CSMD1: variants seen among roughly 807,000 people sequenced by gnomAD.
CSMD1 encodes the protein CUB and Sushi multiple domains 1, also known as CUB and sushi domain-containing protein 1.
A neutral mutation model predicts 417.5 loss-of-function variants in CSMD1; 213 were observed. That is an observed-to-expected ratio of 0.51 (90% CI 0.46 to 0.57). CSMD1 has a LOEUF of 0.57. CSMD1 is among the 20% of genes least tolerant of loss of function. The pLI is 0.00. For synonymous variants in CSMD1, 2,862 were observed against 1,736.8 expected (o/e 1.65, Z -16.11); for missense variants, 6,923 against 4,529.7 (o/e 1.53, Z -15.17).
intron 2 of CSMD1, among the ~76,000 whole-genome samples, chr8:4,604,381 TTGTGTGTG>T (rs368710127): frequency 1.2e-3 from 112 of 91,620 alleles, no homozygotes; most frequent in African/African-American, 3.2e-3. Context: ...ACAAATAGCA[TTGTGTGTG>T]TGTGTGTGTG....
At chr8:4,366,962 T>A (rs116007025) in intron 3 of CSMD1, among the ~76,000 whole-genome samples, 1 of 152,176 alleles carries the variant, frequency 6.6e-6, no homozygotes, top group Non-Finnish European at 1.5e-5. Flanking sequence ...GTTGGATGTG[T>A]ACTCTGCAAA....
chr8:3,184,804 C>A (rs1435321777), intron 36 of CSMD1, among the ~76,000 whole-genome samples: 1 of 152,134 alleles, frequency 6.6e-6, no homozygotes, highest in Non-Finnish European at 1.5e-5. Context: ...GTCCTTGACT[C>A]CTTACTTCAC....
chr8:4,930,042 G>T (rs1013755306), intron 1 of CSMD1, among the ~76,000 whole-genome samples: 1 of 152,176 alleles, frequency 6.6e-6, no homozygotes, highest in Non-Finnish European at 1.5e-5. Flanking sequence ...GGGGTGCACG[G>T]TGCAGAAGCA....
chr8:4,640,944 T>C (rs1803151679), intron 1 of CSMD1, among the ~76,000 whole-genome samples: 1 of 150,978 alleles, frequency 6.6e-6, no homozygotes, highest in Admixed American at 6.6e-5. Context: ...AATATCAATA[T>C]CAATGGCAAT....
chr8:3,671,883 G>T (rs1391344892), intron 7 of CSMD1, among the ~76,000 whole-genome samples: 1 of 151,864 alleles, frequency 6.6e-6, no homozygotes, highest in African/African-American at 2.4e-5. Flanking sequence ...TGGGAGATGG[G>T]GCACCCACCC....
intron 3 of CSMD1, among the ~76,000 whole-genome samples, chr8:4,064,053 C>G (rs1046796698): frequency 6.6e-6 from 1 of 152,136 alleles, no homozygotes; most frequent in South Asian, 2.1e-4. Flanking sequence ...AGTGAGGGCT[C>G]CTGAGAAGTG....
intron 2 of CSMD1, among the ~76,000 whole-genome samples, chr8:4,605,335 C>G (rs1048987672): frequency 2.0e-5 from 3 of 151,664 alleles, no homozygotes; most frequent in Non-Finnish European, 4.4e-5. Flanking sequence ...AGCAATGAAC[C>G]CAAAATGAAT....
chr8:3,474,346 T>A (rs577452619), intron 11 of CSMD1, among the ~76,000 whole-genome samples: 58 of 152,276 alleles, frequency 3.8e-4, no homozygotes, highest in African/African-American at 1.4e-3. Flanking sequence ...AGCTGTCACA[T>A]GTGTAAATGT....
intron 5 of CSMD1, among the ~76,000 whole-genome samples, chr8:3,912,476 C>A (rs2129139965): frequency 6.6e-6 from 1 of 152,212 alleles, no homozygotes. Context: ...AGGCTGCGTG[C>A]TCCTAGACCC....
chr8:4,105,989 G>C (rs1051156919), intron 3 of CSMD1, among the ~76,000 whole-genome samples: 1 of 152,210 alleles, frequency 6.6e-6, no homozygotes, highest in South Asian at 2.1e-4. Flanking sequence ...GGAAAATGTA[G>C]AGCAGGAGAT....
At chr8:3,017,538 A>G (rs755942791) in intron 52 of CSMD1, among the ~76,000 whole-genome samples, 8 of 152,028 alleles carry the variant, frequency 5.3e-5, no homozygotes, top group Non-Finnish European at 1.0e-4. Context: ...GAGTGTGAGA[A>G]ACCAAGCAGC....
chr8:3,311,233 C>A (rs1205367152), intron 23 of CSMD1, among the ~76,000 whole-genome samples: 1 of 152,018 alleles, frequency 6.6e-6, no homozygotes, highest in Non-Finnish European at 1.5e-5. Flanking sequence ...ATGAGATAGT[C>A]CTCCCCACTA....
chr8:4,992,052 C>G (rs1689913787), intron 1 of CSMD1, among the ~76,000 whole-genome samples: 1 of 152,182 alleles, frequency 6.6e-6, no homozygotes, highest in Non-Finnish European at 1.5e-5. Flanking sequence ...ACCCTGGGCT[C>G]CACTTCTCGG....
At chr8:3,358,920 G>C (rs968086286) in intron 21 of CSMD1, among the ~76,000 whole-genome samples, 1 of 151,534 alleles carries the variant, frequency 6.6e-6, no homozygotes, top group Non-Finnish European at 1.5e-5. Flanking sequence ...TTTCACTCTT[G>C]TTCAATCATA....
rs552430417 is a variant in CSMD1 at position 3,026,309 on chromosome 8, G to C, written c.7855+3010C>G. Among the ~76,000 whole-genome samples, 23 of 151,914 alleles carry C rather than the reference G, an allele frequency of 1.5e-4. No homozygotes were observed. In the South Asian group the frequency reaches 4.4e-3, roughly 29 times the overall value. On this transcript the variant is annotated intron_variant, in intron 51 of 69. Transcript: ENST00000635120. ...TGAACTCTGCCCAGGAGCCAGGTTTGGGAAGCTGATCTGAACCTCACTGGA... is the reference window on the plus strand; with the variant it reads ...TGAACTCTGCCCAGGAGCCAGGTTTCGGAAGCTGATCTGAACCTCACTGGA...
chr8:4,135,432 G>C lies in CSMD1; in HGVS notation c.416-103333C>G, dbSNP rs568205092. Among the ~76,000 whole-genome samples the C allele has an allele frequency of 6.7e-5, 10 of 150,200 alleles. No individual in the cohort carries two copies. In the East Asian group the frequency reaches 1.8e-3, roughly 27 times the overall value. ...AAAGAGGGGGAAGGAAGGGGAAGGA[G>C]GGAAGGACGGAAATTATCAGAAGCA... On this transcript the variant is annotated intron_variant, in intron 3 of 69. Coordinates refer to ENST00000635120, the MANE Select transcript of CSMD1 (RefSeq NM_033225.6).
chr8:3,579,960 TG>T (rs1800313017), intron 9 of CSMD1, among the ~76,000 whole-genome samples: 1 of 151,812 alleles, frequency 6.6e-6, no homozygotes, highest in African/African-American at 2.4e-5. Context: ...AAAAATTAGC[TG>T]GGTGTGGTGG....
chr8:3,438,578 T>C (rs1814727602), intron 12 of CSMD1, among the ~76,000 whole-genome samples: 1 of 152,168 alleles, frequency 6.6e-6, no homozygotes. Context: ...GTATCAATAG[T>C]TTATTCCTTT....
intron 6 of CSMD1, among the ~76,000 whole-genome samples, chr8:3,715,247 A>G (rs886599376): frequency 1.3e-5 from 2 of 152,134 alleles, no homozygotes; most frequent in African/African-American, 4.8e-5. Flanking sequence ...CGTTGAGCCA[A>G]TTTCCTATTC....
Sources: gnomAD v4.1 joint callset for allele counts (sites outside exome capture counted in the v4.1 genomes callset) on GRCh38, gnomAD v4.1.1 for gene constraint, MANE v1.5 for transcripts, NCBI Gene and HGNC (gene_info 2026-07-23, HGNC 2026-07-21) for gene names.